KREMEN2: variants seen among roughly 807,000 people sequenced by gnomAD.
KREMEN2 encodes the protein kringle containing transmembrane protein 2.
KREMEN2 carries 43 observed loss-of-function variants against 49.8 expected under a neutral mutation model. The ratio of observed to expected loss-of-function variants is 0.86; its 90% CI spans 0.68 to 1.11. The LOEUF (loss-of-function observed/expected upper bound fraction) is 1.11. Among genes scored for constraint, KREMEN2 ranks in the 50% most tolerant of loss-of-function variants. The pLI, the probability that KREMEN2 is intolerant of heterozygous loss-of-function variation, is 0.00. For synonymous variants in KREMEN2, 355 were observed against 304.9 expected, an observed-to-expected ratio of 1.16 and a Z score of -1.71; for missense variants, 686 against 665.7, an observed-to-expected ratio of 1.03 and a Z score of -0.34.
At chr16:2,965,854 A>C (rs1329396942) in intron 2 of KREMEN2, among the ~76,000 whole-genome samples, 3 of 152,040 alleles carry the variant, frequency 2.0e-5, no homozygotes, top group African/African-American at 7.3e-5. Flanking sequence ...AGATGGCCTC[A>C]AAGTCCTCAT....
chr16:2,965,390 G>A (rs1472509924), intron 2 of KREMEN2, among the ~76,000 whole-genome samples: 1 of 151,798 alleles, frequency 6.6e-6, no homozygotes, highest in Non-Finnish European at 1.5e-5. Flanking sequence ...AACTTATTTT[G>A]GGGTTCAGAG....
chr16:2,964,720 G>T, intron 1 of KREMEN2, 106 bp downstream of exon 1: 1 of 1,364,412 alleles, frequency 7.3e-7, no homozygotes. Flanking sequence ...CAGGTGGCCG[G>T]AGCAGCTGAG....
In KREMEN2 at chr16:2,966,657, G is replaced by A; in HGVS notation, c.502G>A (p.Ala168Thr). The A allele has an allele frequency of 1.2e-6, 2 of 1,610,158 alleles. No homozygotes were observed. Among genetic ancestry groups the A allele is most frequent in the East Asian group, 2.2e-5 (1 of 44,874 alleles). ...MKGYQLAGVE[A>T]GYACFCGSES... Reference sequence around the variant, plus strand: ...GTGCTCCCAGCTGGCGGGCGTGGAGGCCGGTTACGCCTGCTTCTGTGGCTC... The same window carrying A: ...GTGCTCCCAGCTGGCGGGCGTGGAGACCGGTTACGCCTGCTTCTGTGGCTC... The change falls in exon 5 of 9, where the codon GCC becomes ACC. Residue 168 changes from alanine (A) to threonine (T), a missense_variant. Ala to Thr is a moderately conservative substitution (Grantham distance 58, BLOSUM62 0). Transcript: ENST00000303746. The surrounding 1 kb of genome is among the most constrained non-coding windows in gnomAD (Gnocchi z 8.4).
At position 2,966,024 on chromosome 16, in the gene KREMEN2, C is replaced by A; in HGVS notation, c.270-116C>A. The A allele has an allele frequency of 2.3e-6, 2 of 857,852 alleles. No individual in the cohort carries two copies. The highest frequency in any genetic ancestry group is 3.8e-6 in the Non-Finnish European group (2 of 528,256). 53.1% of individuals were successfully genotyped at this position (857,852 alleles called of 1,614,324 possible). A position where few individuals can be genotyped will look rare whatever the true frequency, so the allele number is the denominator to read the frequency against. On this transcript the variant is annotated intron_variant, in intron 2 of 8. Transcript: ENST00000303746. This position sits in a 1 kb window ranked among gnomAD's most constrained non-coding sequence, Gnocchi z 8.4. ...ATTTGTGGGTGTACAGCAGGCAGCA[C>A]AGCCGCTCACAGGCACAGAGCCTTG...
rs11866302 is a variant in KREMEN2 at position 2,967,853 on chromosome 16, G to C, written c.1222G>C (p.Ala408Pro). The C allele has an allele frequency of 0.038, 59,404 of 1,552,754 alleles. 4,897 individuals are homozygous for C. The highest frequency in any genetic ancestry group is 0.34 in the African/African-American group (25,011 of 73,214). The change falls in exon 9 of 9, where the codon GCT becomes CCT. Residue 408 changes from alanine to proline, a missense_variant. Ala to Pro is a conservative substitution (Grantham distance 27). Transcript: ENST00000303746. ...GGGAAAAGGGCCCCCGGCGCTGGGG[G>C]CTTCCAGGGGCCCCAGGAGAAGCTG... is the stretch of plus-strand genomic sequence containing the variant. ...APGKGPPALG[A>P]SRGPRRSWAV...
intron 2 of KREMEN2, among the ~76,000 whole-genome samples, chr16:2,965,453 C>T (rs910301193): frequency 2.0e-5 from 3 of 152,156 alleles, no homozygotes; most frequent in African/African-American, 7.2e-5. Flanking sequence ...AGCCGCAAAG[C>T]TCAGGAGCTC....
Position 2,967,072 on chromosome 16 carries a change from C to T in KREMEN2, c.803C>T (p.Pro268Leu). 1 of 1,525,384 alleles carries T rather than the reference C, an allele frequency of 6.6e-7. No homozygotes were observed. The highest frequency in any genetic ancestry group is 8.8e-7 in the Non-Finnish European group (1 of 1,141,540). The allele number at this position is 1,525,384 out of a possible 1,614,324, so 94.5% of individuals were successfully genotyped here. ...LTFRLFELAD[P>L]RDRLELRDAA... ...TTCCGCCTCTTCGAGCTGGCCGACCCGCGCGACCGGCTGGAGCTGCGCGAC... is the reference window on the plus strand; with the variant it reads ...TTCCGCCTCTTCGAGCTGGCCGACCTGCGCGACCGGCTGGAGCTGCGCGAC... Residue 268 changes from proline (P) to leucine (L), a missense_variant, in exon 6 of 9, where the codon CCG (proline) becomes CTG (leucine). Pro to Leu is a moderately conservative substitution (Grantham distance 98, BLOSUM62 -3). Transcript: ENST00000303746.
rs762453866 is a variant in KREMEN2 at position 2,966,701 on chromosome 16, G to C, written c.546G>C (p.Arg182=). 6.2e-7 allele frequency: 1 copy of C among 1,611,434 alleles called. No individual in the cohort carries two copies. The highest frequency in any genetic ancestry group is 8.5e-7 in the Non-Finnish European group (1 of 1,179,894). ...GTGGCTCTGAAAGCGACCTGGCCCGGGGACGCCTGGCCCCCGCCACCGACT... is the reference window on the plus strand; with the variant it reads ...GTGGCTCTGAAAGCGACCTGGCCCGCGGACGCCTGGCCCCCGCCACCGACT... ...CFCGSESDLA[R]GRLAPATDCD... Residue 182 remains arginine, a synonymous_variant, in exon 5 of 9, where the codon CGG becomes CGC. Coordinates refer to ENST00000303746, the MANE Select transcript of KREMEN2 (RefSeq NM_172229.3). The surrounding 1 kb of genome is among the most constrained non-coding windows in gnomAD (Gnocchi z 8.4).
In KREMEN2 at chr16:2,968,104, G is replaced by C; in HGVS notation, c.*84G>C. ...GTGCTGCGCCCTGCCTCGGCCTTGC[G>C]CCTGTGTAGGGGCAGCTCGGCCTCT... On this transcript the variant is annotated 3_prime_UTR_variant, in exon 9 of 9. Coordinates refer to ENST00000303746, the MANE Select transcript of KREMEN2 (RefSeq NM_172229.3). The C allele has an allele frequency of 7.3e-7, 1 of 1,370,068 alleles. No individual in the cohort carries two copies. The highest frequency in any genetic ancestry group is 1.0e-6 in the Non-Finnish European group (1 of 997,686). 84.9% of individuals were successfully genotyped at this position (1,370,068 alleles called of 1,614,324 possible). A position where few individuals can be genotyped will look rare whatever the true frequency, so the allele number is the denominator to read the frequency against.
At position 2,964,609 on chromosome 16, in the gene KREMEN2, G is replaced by A. The variant is rs781315979; in HGVS notation, c.89G>A (p.Ser30Asn). ...GGGGCCTCGGCTGGGAGCCTGCACA[G>A]TCCAGGTAAGTCCCCGCACGGCTGT... ...PRGASAGSLH[S>N]PGLSECFQVN... The change falls in exon 1 of 9, where the codon AGT becomes AAT. Residue 30 changes from serine to asparagine, a missense_variant. Physicochemically the swap from Ser to Asn is conservative, Grantham distance 46 (BLOSUM62 1). Transcript: ENST00000303746. 1.3e-6 allele frequency: 2 copies of A among 1,588,428 alleles called. No individual in the cohort carries two copies. Among genetic ancestry groups the A allele is most frequent in the Non-Finnish European group, 1.7e-6 (2 of 1,170,616 alleles).
Position 2,964,939 on chromosome 16 carries a change from C to T in KREMEN2, c.175C>T (p.Pro59Ser). The T allele has an allele frequency of 6.3e-7, 1 of 1,597,196 alleles. No individual in the cohort carries two copies. The change falls in exon 2 of 9, where the codon CCG becomes TCG. Residue 59 changes from proline to serine, a missense_variant. Physicochemically the swap from Pro to Ser is moderately conservative, Grantham distance 74. Coordinates refer to ENST00000303746, the MANE Select transcript of KREMEN2 (RefSeq NM_172229.3). Reference protein sequence around the residue: ...NRTGPRGAGRPCLFWDQTQQH... With the variant: ...NRTGPRGAGRSCLFWDQTQQH... Reference sequence around the variant, plus strand: ...CACTGGCCCGCGCGGGGCGGGCCGCCCGTGCCTCTTCTGGGACCAGACGCA... The same window carrying T: ...CACTGGCCCGCGCGGGGCGGGCCGCTCGTGCCTCTTCTGGGACCAGACGCA...
Position 2,966,828 on chromosome 16 carries a change from G to A in KREMEN2, c.640+33G>A. 2 of 1,600,186 alleles carry A rather than the reference G, an allele frequency of 1.2e-6. No homozygotes were observed. The highest frequency in any genetic ancestry group is 1.1e-5 in the South Asian group (1 of 90,156). Reference sequence around the variant, plus strand: ...GTGGGCGGGGACCAGGGGCCTGGGCGGGCCTCGAGGTGGGGCCTGGCCGGG... The same window carrying A: ...GTGGGCGGGGACCAGGGGCCTGGGCAGGCCTCGAGGTGGGGCCTGGCCGGG... On this transcript the variant is annotated intron_variant, in intron 5 of 8. Coordinates refer to ENST00000303746, the MANE Select transcript of KREMEN2 (RefSeq NM_172229.3). This position sits in a 1 kb window ranked among gnomAD's most constrained non-coding sequence, Gnocchi z 8.4.
chr16:2,967,487 C>T (rs1383947235), intron 7 of KREMEN2, 39 bp from the exon 8 acceptor site: 8 of 1,493,946 alleles, frequency 5.4e-6, no homozygotes, highest in Non-Finnish European at 7.1e-6. Flanking sequence ...AGGGAGCCGC[C>T]CCCTCGCGCC....
rs1273873886 is a variant in KREMEN2, at chr16:2,967,035, C to T, written c.766C>T (p.Leu256=). 2 of 1,543,094 alleles carry T rather than the reference C, an allele frequency of 1.3e-6. No homozygotes were observed. Among genetic ancestry groups the T allele is most frequent in the Non-Finnish European group, 1.7e-6 (2 of 1,145,458 alleles). The change falls in exon 6 of 9, where the codon CTG becomes TTG. Residue 256 remains leucine (L), a synonymous_variant. Transcript: ENST00000303746. ...SWALGPPGAA[L]ELTFRLFELA... ...GGCCCTGGGCCCGCCAGGCGCCGCG[C>T]TGGAGCTCACCTTCCGCCTCTTCGA... is the stretch of plus-strand genomic sequence containing the variant.
chr16:2,964,317 G>A lies in KREMEN2; in HGVS notation c.-204G>A, dbSNP rs992491566. 2.2e-6 allele frequency: 1 copy of A among 462,112 alleles called. No homozygotes were observed. Among genetic ancestry groups the A allele is most frequent in the Non-Finnish European group, 3.8e-6 (1 of 261,194 alleles). 28.6% of individuals were successfully genotyped at this position (462,112 alleles called of 1,614,324 possible). Reference sequence around the variant, plus strand: ...ACCCGGGTAGGGACAGGGACAGAGAGACGCCTCTAGGGGCAGAGGCCCTGG... The same window carrying A: ...ACCCGGGTAGGGACAGGGACAGAGAAACGCCTCTAGGGGCAGAGGCCCTGG... On this transcript the variant is annotated 5_prime_UTR_variant, in exon 1 of 9. Transcript: ENST00000303746.
chr16:2,965,542 G>T (rs1203847203), intron 2 of KREMEN2, among the ~76,000 whole-genome samples: 2 of 152,224 alleles, frequency 1.3e-5, no homozygotes, highest in African/African-American at 4.8e-5. Flanking sequence ...GGCCAAGGCA[G>T]GCGGATCATC....
rs576793657 is a variant in KREMEN2, at chr16:2,965,060, C to T, written c.269+27C>T. 5.2e-4 allele frequency: 777 copies of T among 1,485,314 alleles called. 4 individuals are homozygous for T. The African/African-American group carries it at 9.0e-3, about 17-fold the overall frequency. The allele number at this position is 1,485,314 out of a possible 1,614,324, so 92.0% of individuals were successfully genotyped here. A position where few individuals can be genotyped will look rare whatever the true frequency, so the allele number is the denominator to read the frequency against. ...TGAGGGGCGGGGCCTGCGCTGGGGGCGAGGCTGGGCTCACCATTGCAGGGA... is the reference window on the plus strand; with the variant it reads ...TGAGGGGCGGGGCCTGCGCTGGGGGTGAGGCTGGGCTCACCATTGCAGGGA... On this transcript the variant is annotated intron_variant, in intron 2 of 8. Coordinates refer to ENST00000303746, the MANE Select transcript of KREMEN2 (RefSeq NM_172229.3).
intron 2 of KREMEN2, 109 bp downstream of exon 2, chr16:2,965,142 C>G: frequency 2.7e-6 from 2 of 751,662 alleles, no homozygotes; most frequent in South Asian, 4.7e-5. Flanking sequence ...GGACTGGCAG[C>G]CCAGCCTCCT....
Position 2,966,500 on chromosome 16 carries a change from A to C in KREMEN2, c.486+51A>C. The C allele has an allele frequency of 2.5e-6, 4 of 1,602,086 alleles. No individual in the cohort carries two copies. Among genetic ancestry groups the C allele is most frequent in the Non-Finnish European group, 3.4e-6 (4 of 1,176,558 alleles). On this transcript the variant is annotated intron_variant, in intron 4 of 8. Coordinates refer to ENST00000303746, the MANE Select transcript of KREMEN2 (RefSeq NM_172229.3). This position sits in a 1 kb window ranked among gnomAD's most constrained non-coding sequence, Gnocchi z 8.4. ...GACCCCTGACCTGGACCTAAAGACC[A>C]CACTCAACTCCCAACACTCGGTTGC...
Sources: allele counts gnomAD v4.1 joint callset (sites outside exome capture counted in the v4.1 genomes callset), GRCh38; gene constraint gnomAD v4.1.1; non-coding constraint Gnocchi (gnomAD v3.1); transcripts MANE v1.5; gene names NCBI Gene and HGNC (gene_info 2026-07-23, HGNC 2026-07-21).